LAMA2: variants seen among roughly 807,000 people sequenced by gnomAD.
The protein encoded by LAMA2 is laminin subunit alpha 2, also known as laminin subunit alpha-2.
A neutral mutation model predicts 364.8 loss-of-function variants in LAMA2; 269 were observed. The observed-to-expected ratio is 0.74, with a 90% CI of 0.67 to 0.82. The LOEUF is 0.82. Among genes scored for constraint, LAMA2 ranks in the 40% least tolerant of loss-of-function variants. The pLI, the probability that LAMA2 is intolerant of heterozygous loss-of-function variation, is 0.00. For synonymous variants in LAMA2, 1,379 were observed against 1,370.6 expected (o/e 1.01, Z -0.14); for missense variants, 3,807 against 3,873.2 (o/e 0.98, Z 0.45).
chr6:129,457,745 A>G (rs548354746), intron 48 of LAMA2, among the ~76,000 whole-genome samples: 2 of 152,126 alleles, frequency 1.3e-5, no homozygotes, highest in African/African-American at 4.8e-5. Flanking sequence ...TAGTTTATAA[A>G]TAAACAAACA....
intron 60 of LAMA2, among the ~76,000 whole-genome samples, chr6:129,504,308 T>TTTTG (rs1785884699): frequency 6.6e-6 from 1 of 152,174 alleles, no homozygotes; most frequent in African/African-American, 2.4e-5. Flanking sequence ...AAATATGACA[T>TTTTG]TTGAGAAAAA....
intron 55 of LAMA2, among the ~76,000 whole-genome samples, chr6:129,483,039 C>G (rs1784421758): frequency 6.8e-6 from 1 of 147,708 alleles, no homozygotes; most frequent in Non-Finnish European, 1.5e-5. Context: ...TGCACTCCAG[C>G]CTGCGCGACA....
chr6:129,231,752 A>T (rs1468663797), intron 12 of LAMA2, among the ~76,000 whole-genome samples: 1 of 152,106 alleles, frequency 6.6e-6, no homozygotes, highest in East Asian at 1.9e-4. Context: ...GAATTTTTTT[A>T]AATAAAAACC....
At chr6:129,088,867 C>T (rs59724751) in intron 3 of LAMA2, among the ~76,000 whole-genome samples, 1,813 of 146,268 alleles carry the variant, frequency 0.012, 37 homozygotes, top group African/African-American at 0.043. Context: ...ACATCCCAGA[C>T]GATGGGCGGC....
chr6:129,427,380 A>G (rs1462087180), intron 40 of LAMA2, among the ~76,000 whole-genome samples: 1 of 152,182 alleles, frequency 6.6e-6, no homozygotes, highest in Non-Finnish European at 1.5e-5. Flanking sequence ...AATGCTGCTC[A>G]GTTATGTCCT....
intron 14 of LAMA2, among the ~76,000 whole-genome samples, chr6:129,256,743 A>G (rs529059482): frequency 7.8e-4 from 110 of 141,314 alleles, no homozygotes; most frequent in African/African-American, 2.3e-3. Context: ...CTATATATAT[A>G]TAAAAAACAA....
chr6:129,177,888 T>C (rs750935442), intron 10 of LAMA2, 22 bp downstream of exon 10: 2 of 1,610,128 alleles, frequency 1.2e-6, no homozygotes, highest in Non-Finnish European at 1.7e-6. Flanking sequence ...ATTCCAGTAA[T>C]GTCCCACTGT....
rs766360431 is a variant in LAMA2, at chr6:129,250,203, T to C, written c.1874T>C (p.Ile625Thr). The C allele has an allele frequency of 1.3e-6, 2 of 1,572,260 alleles. No homozygotes were observed. The highest frequency in any genetic ancestry group is 2.2e-5 in the East Asian group (1 of 44,674). Residue 625 changes from isoleucine to threonine, a missense_variant, in exon 13 of 65, where the codon ATT becomes ACT. By Grantham distance (89) the Ile-to-Thr change is moderately conservative. This residue lies in a region of LAMA2 where 3,333 missense variants were observed against 3,345.7 expected (regional missense o/e 1.00). Coordinates refer to ENST00000421865, the MANE Select transcript of LAMA2 (RefSeq NM_000426.4). ...ACAGAACGTGTTCTCCAGCTTATGA[T>C]TATCTTAGAGGTAGAGTACTGAGAG... ...EDTERVLQLM[I>T]ILEGNDLSIS...
intron 12 of LAMA2, among the ~76,000 whole-genome samples, chr6:129,212,550 A>G (rs1382543285): frequency 6.6e-6 from 1 of 152,168 alleles, no homozygotes; most frequent in Non-Finnish European, 1.5e-5. Flanking sequence ...TCCAGAGACC[A>G]GGCAGACACT....
At chr6:128,910,796 G>A (rs1777868547) in intron 1 of LAMA2, among the ~76,000 whole-genome samples, 1 of 150,242 alleles carries the variant, frequency 6.7e-6, no homozygotes, top group Admixed American at 6.6e-5. Flanking sequence ...TGATGATGGT[G>A]ATGTACAGAT....
At chr6:128,921,569 C>T (rs1057374326) in intron 1 of LAMA2, among the ~76,000 whole-genome samples, 2 of 152,076 alleles carry the variant, frequency 1.3e-5, no homozygotes, top group African/African-American at 4.8e-5. Flanking sequence ...GGGAGTGGTG[C>T]ATCCACAAGC....
At chr6:128,967,626 G>T (rs1192295237) in intron 1 of LAMA2, among the ~76,000 whole-genome samples, 1 of 152,108 alleles carries the variant, frequency 6.6e-6, no homozygotes, top group Non-Finnish European at 1.5e-5. Context: ...AAATGTAACG[G>T]GATCTTTACT....
At chr6:129,294,597 C>T (rs1412359778) in intron 20 of LAMA2, among the ~76,000 whole-genome samples, 1 of 152,124 alleles carries the variant, frequency 6.6e-6, no homozygotes, top group Non-Finnish European at 1.5e-5. Context: ...ATACCACCAC[C>T]TTGAGGGTTA....
intron 12 of LAMA2, 46 bp downstream of exon 12, chr6:129,192,899 C>T (rs376463467): frequency 1.5e-5 from 24 of 1,561,478 alleles, no homozygotes; most frequent in African/African-American, 2.7e-5. Context: ...ACTGACTGAT[C>T]GTGAGAATGG....
intron 3 of LAMA2, among the ~76,000 whole-genome samples, chr6:129,068,358 G>C (rs1202956388): frequency 6.6e-6 from 1 of 152,184 alleles, no homozygotes; most frequent in East Asian, 1.9e-4. Flanking sequence ...ATAAACTGCA[G>C]CAATTTATTT....
At chr6:129,316,371 G>A (rs1005406086) in intron 27 of LAMA2, among the ~76,000 whole-genome samples, 200 bp downstream of exon 27, 5 of 151,876 alleles carry the variant, frequency 3.3e-5, no homozygotes, top group South Asian at 4.1e-4. Context: ...TGAGAAACAC[G>A]TTAAAGGGAA....
intron 10 of LAMA2, among the ~76,000 whole-genome samples, chr6:129,181,073 A>G (rs1202213821): frequency 1.3e-5 from 2 of 152,096 alleles, no homozygotes; most frequent in African/African-American, 4.8e-5. Flanking sequence ...CTGGGTGGGT[A>G]AAAGTTACTA....
intron 11 of LAMA2, 96 bp downstream of exon 11, chr6:129,190,441 C>T (rs1781464273): frequency 2.4e-6 from 3 of 1,236,784 alleles, no homozygotes; most frequent in South Asian, 1.3e-5. Context: ...TGATAGTGAA[C>T]TTCTACATAA....
At chr6:129,039,641 GT>G (rs555819382) in intron 1 of LAMA2, among the ~76,000 whole-genome samples, 7 of 152,218 alleles carry the variant, frequency 4.6e-5, no homozygotes, top group Admixed American at 6.5e-5. Flanking sequence ...CCAGGGACCA[GT>G]TTTGTGGAAG....
Sources: allele counts gnomAD v4.1 joint callset (sites outside exome capture counted in the v4.1 genomes callset), GRCh38; gene constraint gnomAD v4.1.1; regional missense constraint gnomAD v4.1.1; transcripts MANE v1.5; gene names NCBI Gene and HGNC (gene_info 2026-07-23, HGNC 2026-07-21).